Variants in SUGCT observed in about 807,000 individuals in gnomAD.
The protein encoded by SUGCT is succinyl-CoA:glutarate CoA-transferase.
A neutral mutation model predicts 55.0 loss-of-function variants in SUGCT; 41 were observed. The ratio of observed to expected loss-of-function variants is 0.74; its 90% CI spans 0.58 to 0.97. SUGCT has a LOEUF of 0.97. Ranked by LOEUF, SUGCT falls within the 50% of genes least tolerant of loss-of-function variation. The pLI is 0.00. For synonymous variants in SUGCT, 187 were observed against 200.4 expected (o/e 0.93, Z 0.56); for missense variants, 568 against 547.8 (o/e 1.04, Z -0.37).
chr7:40,698,895 A>G (rs1785054988), intron 12 of SUGCT, among the ~76,000 whole-genome samples: 1 of 152,196 alleles, frequency 6.6e-6, no homozygotes, highest in Admixed American at 6.5e-5. Flanking sequence ...TTCCCAGATC[A>G]TTCCAAGACT....
intron 11 of SUGCT, among the ~76,000 whole-genome samples, chr7:40,492,176 G>A (rs971115770): frequency 6.6e-6 from 1 of 152,046 alleles, no homozygotes; most frequent in South Asian, 2.1e-4. Flanking sequence ...GTAAGAAAAG[G>A]CATTCATGAC....
At chr7:40,858,592 T>A (rs1184665572) in intron 13 of SUGCT, among the ~76,000 whole-genome samples, 1 of 152,062 alleles carries the variant, frequency 6.6e-6, no homozygotes, top group Non-Finnish European at 1.5e-5. Flanking sequence ...TGTTTTTAAT[T>A]AATATCAAAA....
At chr7:40,578,934 C>T (rs1466975302) in intron 12 of SUGCT, among the ~76,000 whole-genome samples, 3 of 152,136 alleles carry the variant, frequency 2.0e-5, no homozygotes, top group African/African-American at 7.2e-5. Flanking sequence ...TTATTTATCA[C>T]AGTATTACCA....
At chr7:40,539,702 G>T (rs1451444565) in intron 12 of SUGCT, 1 of 152,156 alleles carries the variant, frequency 6.6e-6, no homozygotes, top group Non-Finnish European at 1.5e-5. Flanking sequence ...TGAATAAAAG[G>T]TGGAAATCTC....
chr7:40,826,461 G>C (rs1209645868), intron 13 of SUGCT, among the ~76,000 whole-genome samples: 1 of 152,218 alleles, frequency 6.6e-6, no homozygotes, highest in Non-Finnish European at 1.5e-5. Context: ...GAATCAGGCA[G>C]AGAACAGCTG....
intron 12 of SUGCT, among the ~76,000 whole-genome samples, chr7:40,521,180 C>T (rs1223805125): frequency 6.6e-6 from 1 of 152,110 alleles, no homozygotes; most frequent in Non-Finnish European, 1.5e-5. Flanking sequence ...GTGATTGGCT[C>T]ATGGGGGCGG....
intron 12 of SUGCT, among the ~76,000 whole-genome samples, chr7:40,563,053 C>T (rs541382447): frequency 3.9e-5 from 6 of 152,228 alleles, no homozygotes; most frequent in African/African-American, 1.2e-4. Context: ...TTCCCCTCTT[C>T]CTCCGCCCAA....
chr7:40,329,976 G>C (rs1040155078), intron 9 of SUGCT, among the ~76,000 whole-genome samples: 3 of 152,158 alleles, frequency 2.0e-5, no homozygotes, highest in African/African-American at 4.8e-5. Context: ...CCTGCCTACT[G>C]TCTTCCCTGT....
At chr7:40,429,240 G>A (rs1787763708) in intron 9 of SUGCT, among the ~76,000 whole-genome samples, 1 of 151,892 alleles carries the variant, frequency 6.6e-6, no homozygotes, top group African/African-American at 2.4e-5. Flanking sequence ...CTCTTAACTT[G>A]TTAATCCTGT....
chr7:40,970,258 G>T, the SUGCT span, among the ~76,000 whole-genome samples: 8 of 152,112 alleles, frequency 5.3e-5, no homozygotes, highest in Non-Finnish European at 7.4e-5. Context: ...TGCAATCTCT[G>T]CCTCCTGGGT....
chr7:40,909,088 A>G, the SUGCT span, among the ~76,000 whole-genome samples: 1 of 152,182 alleles, frequency 6.6e-6, no homozygotes, highest in East Asian at 1.9e-4. Flanking sequence ...TTTTTCTACA[A>G]TGCATGTATA....
chr7:40,618,999 A>G (rs1456978220), intron 12 of SUGCT, among the ~76,000 whole-genome samples: 1 of 151,920 alleles, frequency 6.6e-6, no homozygotes, highest in African/African-American at 2.4e-5. Context: ...TGTGCTGAAA[A>G]CCCACCGTCT....
intron 1 of SUGCT, among the ~76,000 whole-genome samples, chr7:40,148,021 A>T (rs1314553652): frequency 1.3e-5 from 2 of 152,140 alleles, no homozygotes; most frequent in East Asian, 3.9e-4. Context: ...TTGTTCCCCT[A>T]TTGGCTAGGG....
intron 1 of SUGCT, among the ~76,000 whole-genome samples, chr7:40,157,182 C>T (rs936903802): frequency 1.2e-4 from 18 of 152,056 alleles, no homozygotes; most frequent in Admixed American, 7.2e-4. Context: ...AACCCAGTAA[C>T]GCTTATCTTA....
chr7:40,909,698 G>A, the SUGCT span, among the ~76,000 whole-genome samples: 1 of 152,168 alleles, frequency 6.6e-6, no homozygotes. Context: ...TTTCATGAGA[G>A]ATTTCAACTA....
the SUGCT span, among the ~76,000 whole-genome samples, chr7:40,910,232 A>G: frequency 3.9e-5 from 6 of 151,934 alleles, no homozygotes. Context: ...AGGCTTAACC[A>G]GAAATGCACA....
chr7:40,447,054 A>C (rs1200840845), intron 9 of SUGCT, among the ~76,000 whole-genome samples: 3 of 152,196 alleles, frequency 2.0e-5, no homozygotes, highest in Non-Finnish European at 1.5e-5. Flanking sequence ...TCAATTTTGG[A>C]ACATTTTCAT....
intron 9 of SUGCT, among the ~76,000 whole-genome samples, chr7:40,358,399 A>G (rs1025377195): frequency 2.6e-5 from 4 of 152,112 alleles, no homozygotes; most frequent in African/African-American, 9.7e-5. Flanking sequence ...GAGGCTCTTT[A>G]TAACTAAATT....
chr7:40,431,206 T>C (rs763898043), intron 9 of SUGCT, among the ~76,000 whole-genome samples: 12 of 152,186 alleles, frequency 7.9e-5, no homozygotes, highest in Non-Finnish European at 1.6e-4. Context: ...TTCCCCATTT[T>C]GTCTTCTCTG....
Sources: gnomAD v4.1 joint callset for allele counts (sites outside exome capture counted in the v4.1 genomes callset) on GRCh38, gnomAD v4.1.1 for gene constraint, MANE v1.5 for transcripts, NCBI Gene and HGNC (gene_info 2026-07-23, HGNC 2026-07-21) for gene names.